MAN2A1: variants seen among roughly 807,000 people sequenced by gnomAD.
The protein encoded by MAN2A1 is mannosidase alpha class 2A member 1.
In MAN2A1, 76 loss-of-function variants were observed where a neutral mutation model predicts 142.6. The ratio of observed to expected loss-of-function variants is 0.53; its 90% CI spans 0.44 to 0.65. The LOEUF (loss-of-function observed/expected upper bound fraction) is 0.65. Ranked by LOEUF, MAN2A1 falls within the 30% of genes least tolerant of loss-of-function variation. MAN2A1 has a pLI of 0.00. For missense variants in MAN2A1, 1,311 were observed against 1,365.1 expected, an observed-to-expected ratio of 0.96 and a Z score of 0.62; for synonymous variants, 559 against 473.2, an observed-to-expected ratio of 1.18 and a Z score of -2.35.
intron 4 of MAN2A1, among the ~76,000 whole-genome samples, chr5:109,748,106 A>G (rs1561491666): frequency 6.6e-6 from 1 of 152,208 alleles, no homozygotes; most frequent in East Asian, 1.9e-4. Context: ...TGTCTTTAGT[A>G]TATATAATGC....
chr5:109,836,460 G>A (rs1469174497), intron 16 of MAN2A1, among the ~76,000 whole-genome samples: 1 of 152,112 alleles, frequency 6.6e-6, no homozygotes, highest in African/African-American at 2.4e-5. Context: ...ACGCTTTTTG[G>A]TTTCCTTAGA....
At chr5:109,800,312 C>G (rs1349915656) in intron 12 of MAN2A1, among the ~76,000 whole-genome samples, 2 of 152,172 alleles carry the variant, frequency 1.3e-5, no homozygotes, top group African/African-American at 4.8e-5. Context: ...TGTTTACCCA[C>G]TAAATGCCTG....
At chr5:109,714,812 G>C (rs1751407215) in intron 2 of MAN2A1, among the ~76,000 whole-genome samples, 1 of 152,208 alleles carries the variant, frequency 6.6e-6, no homozygotes, top group African/African-American at 2.4e-5. Flanking sequence ...TGGGGACAGT[G>C]GAGCTGGCCA....
At chr5:109,722,676 A>G (rs1751638393) in intron 3 of MAN2A1, among the ~76,000 whole-genome samples, 2 of 152,154 alleles carry the variant, frequency 1.3e-5, no homozygotes. Context: ...TTGGCCTCCC[A>G]AAGTGCTGGG....
Position 109,713,666 on chromosome 5 carries a change from C to A in MAN2A1, c.282C>A (p.Phe94Leu). 6.2e-7 allele frequency: 1 copy of A among 1,614,226 alleles called. No individual in the cohort carries two copies. Among genetic ancestry groups the A allele is most frequent in the Admixed American group, 1.7e-5 (1 of 60,026 alleles). ...GTCCGAAAAGTTCACAAAGCAATTT[C>A]AGCCAAGGTGCTGGCTCACATCTTC... is the stretch of plus-strand genomic sequence containing the variant. ...EDGPKSSQSN[F>L]SQGAGSHLLP... is the part of the protein sequence containing the mutation. Residue 94 changes from phenylalanine to leucine, a missense_variant, in exon 2 of 22, where the codon TTC (phenylalanine) becomes TTA (leucine). By Grantham distance (22) the Phe-to-Leu change is conservative. This residue lies in a region of MAN2A1 where 409 missense variants were observed against 412.7 expected (regional missense o/e 0.99). Transcript: ENST00000261483.
At chr5:109,751,235 G>A (rs1752538705) in intron 4 of MAN2A1, among the ~76,000 whole-genome samples, 1 of 151,282 alleles carries the variant, frequency 6.6e-6, no homozygotes, top group Non-Finnish European at 1.5e-5. Flanking sequence ...CCAAATATGA[G>A]TGAGAACATA....
intron 12 of MAN2A1, among the ~76,000 whole-genome samples, chr5:109,805,992 C>T (rs1052698662): frequency 6.6e-6 from 1 of 152,144 alleles, no homozygotes; most frequent in Non-Finnish European, 1.5e-5. Context: ...GTGTTGTCAT[C>T]ATAGCAACCA....
chr5:109,767,632 C>T lies in MAN2A1; in HGVS notation c.933C>T (p.Ile311=), dbSNP rs367625663. 5.0e-6 allele frequency: 8 copies of T among 1,613,574 alleles called. No homozygotes were observed. Among genetic ancestry groups the T allele is most frequent in the Admixed American group, 3.3e-5 (2 of 59,974 alleles). Residue 311 remains isoleucine, a synonymous_variant, in exon 6 of 22, where the codon ATC becomes ATT. Coordinates refer to ENST00000261483, the MANE Select transcript of MAN2A1 (RefSeq NM_002372.4). ...GTGCTGGACTTTCTCACATGCTTAT[C>T]CAGAGAGTTCATTATGCAGTTAAAA... is the stretch of plus-strand genomic sequence containing the variant. ...LNRAGLSHML[I]QRVHYAVKKH...
At chr5:109,722,938 A>G (rs965088938) in intron 3 of MAN2A1, among the ~76,000 whole-genome samples, 1 of 152,162 alleles carries the variant, frequency 6.6e-6, no homozygotes, top group African/African-American at 2.4e-5. Context: ...ATTGTCAGTC[A>G]GTGTTAGATG....
At chr5:109,696,865 T>C (rs1040238445) in intron 1 of MAN2A1, among the ~76,000 whole-genome samples, 1 of 152,244 alleles carries the variant, frequency 6.6e-6, no homozygotes, top group Non-Finnish European at 1.5e-5. Flanking sequence ...CTCTATTCTT[T>C]CTCAGGATGC....
chr5:109,816,154 C>G (rs948306769), intron 12 of MAN2A1, among the ~76,000 whole-genome samples: 2 of 152,100 alleles, frequency 1.3e-5, no homozygotes, highest in Non-Finnish European at 2.9e-5. Context: ...TGTTGGGTAC[C>G]TCAACTGAGA....
chr5:109,784,297 G>A (rs1482094943), intron 9 of MAN2A1, among the ~76,000 whole-genome samples: 5 of 152,100 alleles, frequency 3.3e-5, no homozygotes, highest in Admixed American at 2.0e-4. Context: ...CCCGCTCACC[G>A]ACCATGCCTT....
At chr5:109,754,206 C>G (rs183663090) in intron 4 of MAN2A1, among the ~76,000 whole-genome samples, 152 of 152,288 alleles carry the variant, frequency 1.0e-3, no homozygotes, top group Non-Finnish European at 1.7e-3. Flanking sequence ...GCCACTGTGC[C>G]AGACCTTGCT....
intron 12 of MAN2A1, among the ~76,000 whole-genome samples, chr5:109,799,647 G>T (rs1459075972): frequency 6.6e-6 from 1 of 152,014 alleles, no homozygotes; most frequent in South Asian, 2.1e-4. Flanking sequence ...CCAGCTACTT[G>T]GGAGGCTAAA....
chr5:109,705,003 T>G (rs752747598), intron 1 of MAN2A1, among the ~76,000 whole-genome samples: 1 of 152,162 alleles, frequency 6.6e-6, no homozygotes, highest in Non-Finnish European at 1.5e-5. Flanking sequence ...ACCATTCAGC[T>G]ATCTAATAGT....
intron 4 of MAN2A1, among the ~76,000 whole-genome samples, chr5:109,752,872 G>C (rs949302292): frequency 1.3e-5 from 2 of 152,162 alleles, no homozygotes; most frequent in Non-Finnish European, 2.9e-5. Flanking sequence ...ATTAACAAAT[G>C]GAGCTGGGAA....
intron 3 of MAN2A1, among the ~76,000 whole-genome samples, chr5:109,717,746 A>T (rs568330342): frequency 6.6e-6 from 1 of 152,302 alleles, no homozygotes; most frequent in East Asian, 1.9e-4. Context: ...GTCCTTGGGC[A>T]CATTGATTTG....
intron 4 of MAN2A1, among the ~76,000 whole-genome samples, chr5:109,741,076 T>G (rs1752255212): frequency 6.6e-6 from 1 of 152,190 alleles, no homozygotes; most frequent in African/African-American, 2.4e-5. Flanking sequence ...TGCTCAATCT[T>G]TGTCTCACTC....
chr5:109,746,883 C>A (rs1002489209), intron 4 of MAN2A1, among the ~76,000 whole-genome samples: 2 of 152,136 alleles, frequency 1.3e-5, no homozygotes, highest in East Asian at 3.9e-4. Flanking sequence ...TTTCTGTCTG[C>A]CTTACTTCAT....
Sources: gnomAD v4.1 joint callset for allele counts (sites outside exome capture counted in the v4.1 genomes callset) on GRCh38, gnomAD v4.1.1 for gene constraint, gnomAD v4.1.1 regional missense constraint, MANE v1.5 for transcripts, NCBI Gene and HGNC (gene_info 2026-07-23, HGNC 2026-07-21) for gene names.